The following DLG2 variants were observed in gnomAD, a reference collection of about 807,000 sequenced individuals.
The protein encoded by DLG2 is discs large MAGUK scaffold protein 2, also known as disks large homolog 2.
In DLG2, 45 loss-of-function variants were observed where a neutral mutation model predicts 132.5. That is an observed-to-expected ratio of 0.34 (90% CI 0.27 to 0.44). The LOEUF is 0.44. Among genes scored for constraint, DLG2 ranks in the 20% least tolerant of loss-of-function variants. The pLI, the probability that DLG2 is intolerant of heterozygous loss-of-function variation, is 1.00. For missense variants in DLG2, 1,045 were observed against 1,196.9 expected (o/e 0.87, Z 1.87); for synonymous variants, 424 against 419.6 (o/e 1.01, Z -0.13).
intron 6 of DLG2, among the ~76,000 whole-genome samples, chr11:84,556,469 TG>T (rs2099412167): frequency 6.6e-6 from 1 of 152,178 alleles, no homozygotes; most frequent in Non-Finnish European, 1.5e-5. Flanking sequence ...TAGGCCACAA[TG>T]GGAGAAGAAT....
intron 6 of DLG2, among the ~76,000 whole-genome samples, chr11:84,634,566 T>C (rs2099637401): frequency 6.6e-6 from 1 of 152,210 alleles, no homozygotes; most frequent in Non-Finnish European, 1.5e-5. Flanking sequence ...TTTCTGTATG[T>C]CACCTTCATT....
intron 3 of DLG2, among the ~76,000 whole-genome samples, chr11:85,547,334 T>C (rs1348973894): frequency 6.6e-6 from 1 of 152,210 alleles, no homozygotes; most frequent in Non-Finnish European, 1.5e-5. Context: ...TCTTTTGGCT[T>C]GTAGGGTTTC....
At chr11:84,576,069 G>A (rs557492850) in intron 6 of DLG2, among the ~76,000 whole-genome samples, 8 of 151,958 alleles carry the variant, frequency 5.3e-5, no homozygotes, top group Non-Finnish European at 8.8e-5. Context: ...TTGAGATGTC[G>A]CTTTTTCAAA....
chr11:84,402,367 A>G (rs1427348197), intron 7 of DLG2, among the ~76,000 whole-genome samples: 1 of 152,196 alleles, frequency 6.6e-6, no homozygotes, highest in Non-Finnish European at 1.5e-5. Context: ...TCTGGAGTCA[A>G]GATTTGTCTC....
At chr11:84,832,120 C>G (rs1489407215) in intron 6 of DLG2, among the ~76,000 whole-genome samples, 1 of 151,694 alleles carries the variant, frequency 6.6e-6, no homozygotes, top group East Asian at 1.9e-4. Flanking sequence ...CTGGATTCTT[C>G]TTTTCTTCCT....
At chr11:84,474,039 G>T (rs1464727862) in intron 7 of DLG2, among the ~76,000 whole-genome samples, 1 of 151,974 alleles carries the variant, frequency 6.6e-6, no homozygotes, top group African/African-American at 2.4e-5. Flanking sequence ...GCATGCAGTT[G>T]TTCAATTCAT....
chr11:83,774,950 GGCCAAACTATTCCTAGA>G (rs145120160), intron 18 of DLG2, among the ~76,000 whole-genome samples: 2,465 of 152,024 alleles, frequency 0.016, 64 homozygotes, highest in African/African-American at 0.056. Flanking sequence ...GACAGCTTGG[GGCCAAACTATTCCTAGA>G]GCCAAACTAT....
At chr11:83,498,464 A>G (rs2094268458) in intron 21 of DLG2, among the ~76,000 whole-genome samples, 1 of 152,102 alleles carries the variant, frequency 6.6e-6, no homozygotes, top group African/African-American at 2.4e-5. Flanking sequence ...CAATGGATCA[A>G]AGAAGAAATC....
intron 18 of DLG2, among the ~76,000 whole-genome samples, chr11:83,754,379 C>T (rs1446903822): frequency 4.0e-5 from 6 of 151,040 alleles, no homozygotes; most frequent in African/African-American, 1.5e-4. Context: ...ATTAGAATTG[C>T]AAATAATGAA....
chr11:83,682,132 G>A (rs2078931929), intron 18 of DLG2: 4 of 985,310 alleles, frequency 4.1e-6, no homozygotes, highest in Non-Finnish European at 4.8e-6. Context: ...CAACAACAAC[G>A]ATTAGCTGCA....
At chr11:84,821,642 C>CAAAAAAAAAAAAAAAAA in intron 6 of DLG2, among the ~76,000 whole-genome samples, 1 of 115,400 alleles carries the variant, frequency 8.7e-6, no homozygotes, top group Non-Finnish European at 1.7e-5. Context: ...AAAAAAAAAA[C>CAAAAAAAAAAAAAAAAA]AACAACAACA....
chr11:85,014,212 C>A (rs897620049), intron 6 of DLG2, among the ~76,000 whole-genome samples: 1 of 152,136 alleles, frequency 6.6e-6, no homozygotes, highest in Non-Finnish European at 1.5e-5. Flanking sequence ...TTTTCTGAGC[C>A]TTAATTTCTA....
At chr11:84,243,017 C>CTCTATATATATATATA (rs542476924) in intron 8 of DLG2, among the ~76,000 whole-genome samples, 1 of 142,146 alleles carries the variant, frequency 7.0e-6, no homozygotes, top group African/African-American at 2.6e-5. Flanking sequence ...CTCTCTCTCT[C>CTCTATATATATATATA]TATATATATA....
chr11:85,258,951 T>A (rs920708365), intron 4 of DLG2, among the ~76,000 whole-genome samples: 2 of 152,238 alleles, frequency 1.3e-5, no homozygotes, highest in South Asian at 4.1e-4. Flanking sequence ...ATTATTATAA[T>A]CCTTATTTCA....
intron 6 of DLG2, among the ~76,000 whole-genome samples, chr11:84,822,816 G>T (rs2077858216): frequency 6.6e-6 from 1 of 151,900 alleles, no homozygotes; most frequent in Non-Finnish European, 1.5e-5. Context: ...TGGGTAAAAG[G>T]TACTGTTATT....
At chr11:85,620,167 T>A (rs1434566886) in intron 2 of DLG2, among the ~76,000 whole-genome samples, 1 of 152,230 alleles carries the variant, frequency 6.6e-6, no homozygotes, top group East Asian at 1.9e-4. Context: ...TTTGTTACAG[T>A]GATCTGTAAT....
chr11:84,452,981 G>C (rs2099055754), intron 7 of DLG2, among the ~76,000 whole-genome samples: 1 of 151,326 alleles, frequency 6.6e-6, no homozygotes, highest in Admixed American at 6.6e-5. Flanking sequence ...TAAGATTATA[G>C]GTATTCCAAT....
intron 6 of DLG2, among the ~76,000 whole-genome samples, chr11:84,862,817 C>CT (rs2083930354): frequency 2.2e-5 from 1 of 46,176 alleles, no homozygotes; most frequent in Non-Finnish European, 4.3e-5. Flanking sequence ...CAGGTCCTGT[C>CT]GGGGGGGGGG....
intron 3 of DLG2, among the ~76,000 whole-genome samples, chr11:85,385,090 A>C (rs1241627421): frequency 6.6e-6 from 1 of 152,174 alleles, no homozygotes; most frequent in Admixed American, 6.5e-5. Context: ...ATTCTTTGAG[A>C]CCAGCAAATA....
Sources: allele counts gnomAD v4.1 joint callset (sites outside exome capture counted in the v4.1 genomes callset), GRCh38; gene constraint gnomAD v4.1.1; transcripts MANE v1.5; gene names NCBI Gene and HGNC (gene_info 2026-07-23, HGNC 2026-07-21).